The following TRPC7 variants were observed in gnomAD, a reference collection of about 807,000 sequenced individuals.
TRPC7 encodes short transient receptor potential channel 7.
A neutral mutation model predicts 90.1 loss-of-function variants in TRPC7; 42 were observed. The observed-to-expected ratio is 0.47, with a 90% CI of 0.36 to 0.60. The LOEUF (loss-of-function observed/expected upper bound fraction) is 0.60. Ranked by LOEUF, TRPC7 falls within the 20% of genes least tolerant of loss-of-function variation. The probability of loss-of-function intolerance (pLI) is 0.00; values close to 1 mark genes in which losing one functional copy is unlikely to be tolerated. For synonymous variants in TRPC7, 451 were observed against 436.3 expected (o/e 1.03, Z -0.42); for missense variants, 955 against 1,112.3 (o/e 0.86, Z 2.01).
intron 3 of TRPC7, among the ~76,000 whole-genome samples, chr5:136,299,236 G>T (rs1758288303): frequency 6.6e-6 from 1 of 151,800 alleles, no homozygotes; most frequent in Admixed American, 6.6e-5. Flanking sequence ...GGGAGGTGGA[G>T]GTTGCGGTGA....
At chr5:136,288,315 T>A (rs1757802297) in intron 3 of TRPC7, among the ~76,000 whole-genome samples, 1 of 152,318 alleles carries the variant, frequency 6.6e-6, no homozygotes, top group South Asian at 2.1e-4. Flanking sequence ...CATTTAATGC[T>A]GTATATACAC....
At chr5:136,236,367 G>C (rs1055948567) in intron 7 of TRPC7, among the ~76,000 whole-genome samples, 17 of 152,156 alleles carry the variant, frequency 1.1e-4, no homozygotes, top group African/African-American at 4.1e-4. Context: ...AACAAGACTT[G>C]TTTTTCTTCT....
At chr5:136,354,151 G>C (rs1979835) in intron 2 of TRPC7, among the ~76,000 whole-genome samples, 1 of 151,892 alleles carries the variant, frequency 6.6e-6, no homozygotes, top group Non-Finnish European at 1.5e-5. Flanking sequence ...TGTTCCTTTC[G>C]CACGGCCAAT....
Position 136,218,439 on chromosome 5 carries a change from T to C in TRPC7, c.2344-2164A>G, listed in dbSNP as rs189599303. 1.1e-3 allele frequency among the ~76,000 whole-genome samples: 167 copies of C among 152,306 alleles called. 1 individual carries two copies. Among genetic ancestry groups the C allele is most frequent in the Non-Finnish European group, 2.8e-4 (19 of 68,028 alleles). On this transcript the variant is annotated intron_variant, in intron 10 of 11. Coordinates refer to ENST00000513104, the MANE Select transcript of TRPC7 (RefSeq NM_020389.3). ...CAAAATTAAAGGGACCTAGTTAAAG[T>C]TGGTTGCCTTTTCAAGGCAAACCTC... is the stretch of plus-strand genomic sequence containing the variant.
intron 3 of TRPC7, among the ~76,000 whole-genome samples, chr5:136,310,887 C>A (rs544853227): frequency 3.9e-5 from 6 of 152,234 alleles, no homozygotes; most frequent in African/African-American, 1.4e-4. Flanking sequence ...CTCTAGACCT[C>A]ATAGGTGGTG....
intron 3 of TRPC7, among the ~76,000 whole-genome samples, chr5:136,279,938 A>G (rs1404567839): frequency 6.6e-6 from 1 of 152,062 alleles, no homozygotes; most frequent in African/African-American, 2.4e-5. Context: ...GGATCACTTG[A>G]GGTCAGGAAT....
At chr5:136,365,229 G>A (rs757486477) in intron 1 of TRPC7, 24 bp downstream of exon 1, 2 of 1,536,674 alleles carry the variant, frequency 1.3e-6, no homozygotes, top group South Asian at 2.4e-5. Flanking sequence ...AAATCAATAT[G>A]AAAGAACCAT....
At chr5:136,336,060 C>A (rs1347357716) in intron 2 of TRPC7, among the ~76,000 whole-genome samples, 1 of 152,138 alleles carries the variant, frequency 6.6e-6, no homozygotes, top group African/African-American at 2.4e-5. Context: ...CCGGTCACAC[C>A]TCTGCACATC....
At chr5:136,243,376 C>T (rs962744894) in intron 7 of TRPC7, among the ~76,000 whole-genome samples, 7 of 152,084 alleles carry the variant, frequency 4.6e-5, no homozygotes, top group Non-Finnish European at 7.4e-5. Flanking sequence ...GCAGTGTGCT[C>T]CAACCCAAAT....
At chr5:136,295,700 C>T (rs181211973) in intron 3 of TRPC7, among the ~76,000 whole-genome samples, 5 of 152,282 alleles carry the variant, frequency 3.3e-5, no homozygotes, top group African/African-American at 1.2e-4. Context: ...AGGGAATGCC[C>T]CTAATCTCTG....
At chr5:136,349,172 C>T (rs1353607502) in intron 2 of TRPC7, among the ~76,000 whole-genome samples, 2 of 152,128 alleles carry the variant, frequency 1.3e-5, no homozygotes, top group African/African-American at 2.4e-5. Context: ...CAGCCCATGT[C>T]GCCTCTCTCC....
chr5:136,347,860 G>A (rs913273978), intron 2 of TRPC7, among the ~76,000 whole-genome samples: 6 of 152,184 alleles, frequency 3.9e-5, no homozygotes, highest in African/African-American at 1.4e-4. Context: ...AGCACTGAGA[G>A]GTCCCAGAGA....
intron 3 of TRPC7, among the ~76,000 whole-genome samples, chr5:136,308,749 G>A (rs1758731195): frequency 6.6e-6 from 1 of 152,226 alleles, no homozygotes; most frequent in Admixed American, 6.5e-5. Context: ...ATTTAGGCCA[G>A]AAGGCCCTTT....
chr5:136,333,190 C>T (rs984976217), intron 2 of TRPC7, among the ~76,000 whole-genome samples: 1 of 152,156 alleles, frequency 6.6e-6, no homozygotes, highest in African/African-American at 2.4e-5. Context: ...TTTGGGACAT[C>T]AACATCAAAG....
At chr5:136,251,601 C>A in intron 6 of TRPC7, 48 bp downstream of exon 6, 4 of 1,443,798 alleles carry the variant, frequency 2.8e-6, no homozygotes, top group Non-Finnish European at 2.9e-6. Context: ...ACCAGGCCCA[C>A]GTCCCGGAAG....
Position 136,357,103 on chromosome 5 carries a change from C to T in TRPC7, c.285G>A (p.Glu95=). 1 of 1,614,078 alleles carries T rather than the reference C, an allele frequency of 6.2e-7. No individual in the cohort carries two copies. Among genetic ancestry groups the T allele is most frequent in the South Asian group, 1.1e-5 (1 of 91,082 alleles). The change falls in exon 2 of 12, where the codon GAG becomes GAA. Residue 95 remains glutamate (E), a synonymous_variant. Coordinates refer to ENST00000513104, the MANE Select transcript of TRPC7 (RefSeq NM_020389.3). ...CCAGGTTCTCCTTCTTCAGCAGCAG[C>T]TCCGTGACCTCTAGGTGCTCGTTGC... ...AVGNEHLEVT[E]LLLKKENLAR...
At chr5:136,354,914 T>C (rs567650183) in intron 2 of TRPC7, among the ~76,000 whole-genome samples, 1 of 152,326 alleles carries the variant, frequency 6.6e-6, no homozygotes, top group African/African-American at 2.4e-5. Flanking sequence ...CCACTCCTAC[T>C]CATTAAGGCC....
intron 10 of TRPC7, among the ~76,000 whole-genome samples, chr5:136,224,118 G>A (rs1755550561): frequency 6.6e-6 from 1 of 152,172 alleles, no homozygotes; most frequent in Admixed American, 6.5e-5. Flanking sequence ...CTCCCTGTGG[G>A]AAGGTGGCAC....
intron 2 of TRPC7, among the ~76,000 whole-genome samples, chr5:136,329,808 TTC>T: frequency 6.6e-6 from 1 of 152,300 alleles, no homozygotes; most frequent in Non-Finnish European, 1.5e-5. Context: ...TGCTGCTTGG[TTC>T]TCTCTCGTGG....
Sources: allele counts gnomAD v4.1 joint callset (sites outside exome capture counted in the v4.1 genomes callset), GRCh38; gene constraint gnomAD v4.1.1; transcripts MANE v1.5; gene names NCBI Gene and HGNC (gene_info 2026-07-23, HGNC 2026-07-21).